Variants in SLC9A1 observed in about 807,000 individuals in gnomAD.
The protein encoded by SLC9A1 is solute carrier family 9 member A1.
A neutral mutation model predicts 67.9 loss-of-function variants in SLC9A1; 22 were observed. The ratio of observed to expected loss-of-function variants is 0.32; its 90% CI spans 0.23 to 0.46. The LOEUF is 0.46. SLC9A1 is among the 20% of genes least tolerant of loss of function. The probability of loss-of-function intolerance (pLI) is 1.00; values close to 1 mark genes in which losing one functional copy is unlikely to be tolerated. For missense variants in SLC9A1, 686 were observed against 1,094.8 expected (o/e 0.63, Z 5.27); for synonymous variants, 421 against 471.8 (o/e 0.89, Z 1.40).
intron 1 of SLC9A1, among the ~76,000 whole-genome samples, chr1:27,134,038 C>T (rs758495043): frequency 6.6e-6 from 1 of 152,160 alleles, no homozygotes; most frequent in African/African-American, 2.4e-5. Flanking sequence ...GCTAGGATTA[C>T]AGGCATGAGC....
chr1:27,131,095 A>G (rs1313790534), intron 1 of SLC9A1, among the ~76,000 whole-genome samples: 2 of 152,230 alleles, frequency 1.3e-5, no homozygotes, highest in African/African-American at 2.4e-5. Context: ...GCACTGGCAC[A>G]AGGTGTACAT....
intron 1 of SLC9A1, among the ~76,000 whole-genome samples, chr1:27,125,243 T>TC (rs1207755466): frequency 1.5e-5 from 2 of 130,216 alleles, no homozygotes; most frequent in Non-Finnish European, 3.3e-5. Context: ...CTTTCTTTTT[T>TC]TTTTTTTTTT....
Position 27,125,237 on chromosome 1 carries a change from CTTTTTTTTTTTTT to C in SLC9A1, c.353-10964_353-10952del, listed in dbSNP as rs71010327. On this transcript the variant is annotated intron_variant, in intron 1 of 11. Coordinates refer to ENST00000263980, the MANE Select transcript of SLC9A1 (RefSeq NM_003047.5). The stretch of plus-strand genomic sequence containing the variant: ...CTCTTTTCCTTCCTTCCTTTTCTTT[CTTTTTTTTTTTTT>C]TTTTTTTTTTTTTGAGAAACAGTCT... Among the ~76,000 whole-genome samples, 6 of 86,870 alleles carry C rather than the reference CTTTTTTTTTTTTT, an allele frequency of 6.9e-5. No homozygotes were observed. In the East Asian group the frequency reaches 1.2e-3, roughly 17 times the overall value. 57.0% of individuals were successfully genotyped at this position (86,870 alleles called of 152,430 possible).
intron 1 of SLC9A1, among the ~76,000 whole-genome samples, chr1:27,153,661 CT>C (rs941254429): frequency 3.9e-5 from 6 of 152,214 alleles, no homozygotes; most frequent in African/African-American, 1.4e-4. Context: ...GGGTGCCTGG[CT>C]CCCCTGGGGG....
intron 2 of SLC9A1, among the ~76,000 whole-genome samples, chr1:27,110,600 G>C (rs1349893011): frequency 6.6e-6 from 1 of 152,180 alleles, no homozygotes; most frequent in Non-Finnish European, 1.5e-5. Context: ...TATCTGAGTC[G>C]ACACTCAACA....
chr1:27,112,883 C>CAAAAAAA (rs58540104), intron 2 of SLC9A1, among the ~76,000 whole-genome samples: 1 of 41,502 alleles, frequency 2.4e-5, no homozygotes, highest in Non-Finnish European at 5.3e-5. Flanking sequence ...GACTCCATCT[C>CAAAAAAA]AAAAAAAAAA....
rs554813002 is a variant in SLC9A1 at position 27,107,973 on chromosome 1, C to A, written c.1065-108G>T. On this transcript the variant is annotated intron_variant, in intron 3 of 11. Coordinates refer to ENST00000263980, the MANE Select transcript of SLC9A1 (RefSeq NM_003047.5). ...ACGACCAAGGTGCCCATGTCCCAAG[C>A]TCCTCTATGGGCCAGGGGCCCGCTG... 4.9e-5 allele frequency: 38 copies of A among 781,328 alleles called. 1 individual carries two copies. The highest frequency in any genetic ancestry group is 8.2e-5 in the Non-Finnish European group (38 of 465,242). 48.4% of individuals were successfully genotyped at this position (781,328 alleles called of 1,614,324 possible). A position where few individuals can be genotyped will look rare whatever the true frequency, so the allele number is the denominator to read the frequency against.
At chr1:27,150,150 T>C (rs1183204096) in intron 1 of SLC9A1, among the ~76,000 whole-genome samples, 3 of 152,162 alleles carry the variant, frequency 2.0e-5, no homozygotes, top group Admixed American at 1.3e-4. Context: ...CACCTTCTAG[T>C]GTCATTTTTA....
chr1:27,147,315 A>AG (rs2083493942), intron 1 of SLC9A1, among the ~76,000 whole-genome samples: 1 of 149,800 alleles, frequency 6.7e-6, no homozygotes, highest in Non-Finnish European at 1.5e-5. Context: ...AAAAAAAAAA[A>AG]AAAAAAGAAA....
chr1:27,122,174 C>A (rs1165648332), intron 1 of SLC9A1, among the ~76,000 whole-genome samples: 1 of 152,080 alleles, frequency 6.6e-6, no homozygotes, highest in Non-Finnish European at 1.5e-5. Context: ...CTCTGGGAAG[C>A]CTTCCTGGAG....
intron 1 of SLC9A1, among the ~76,000 whole-genome samples, chr1:27,120,687 G>A (rs566823889): frequency 3.3e-5 from 5 of 151,592 alleles, no homozygotes; most frequent in South Asian, 4.2e-4. Context: ...GCAGTGAGCC[G>A]AGATCACACC....
intron 1 of SLC9A1, among the ~76,000 whole-genome samples, chr1:27,143,344 C>T (rs1230109494): frequency 6.6e-6 from 1 of 152,216 alleles, no homozygotes; most frequent in Non-Finnish European, 1.5e-5. Context: ...TCTGATTCCC[C>T]CAAGCATCCA....
intron 1 of SLC9A1, among the ~76,000 whole-genome samples, chr1:27,138,001 C>G (rs1481641998): frequency 6.6e-6 from 1 of 152,234 alleles, no homozygotes; most frequent in Non-Finnish European, 1.5e-5. Context: ...CCAGCTTGAG[C>G]TGCTGGCAGG....
intron 5 of SLC9A1, chr1:27,103,552 T>G: frequency 1.8e-6 from 1 of 545,432 alleles, no homozygotes. Context: ...ACCCCCACAC[T>G]GGTCATCTGG....
At chr1:27,103,371 G>C in intron 5 of SLC9A1, 59 bp from the exon 6 acceptor site, 1 of 1,194,586 alleles carries the variant, frequency 8.4e-7, no homozygotes, top group Non-Finnish European at 1.3e-6. Context: ...GGAGGCCACA[G>C]AGCCTCCCTC....
intron 1 of SLC9A1, among the ~76,000 whole-genome samples, chr1:27,129,385 G>A (rs1337749786): frequency 6.6e-6 from 1 of 152,174 alleles, no homozygotes; most frequent in Non-Finnish European, 1.5e-5. Flanking sequence ...TAGGAGCCAC[G>A]AGATGTAGAG....
rs5810 is a variant in SLC9A1, at chr1:27,099,728, A to G, written c.*579T>C. 53,271 of 152,412 alleles carry G rather than the reference A, an allele frequency of 0.35. 9,788 individuals carry two copies. Among genetic ancestry groups the G allele is most frequent in the Non-Finnish European group, 0.39 (26,651 of 68,130 alleles). The allele number at this position is 152,412 out of a possible 1,614,324, so 9.4% of individuals were successfully genotyped here. A position where few individuals can be genotyped will look rare whatever the true frequency, so the allele number is the denominator to read the frequency against. On this transcript the variant is annotated 3_prime_UTR_variant, in exon 12 of 12. Coordinates refer to ENST00000263980, the MANE Select transcript of SLC9A1 (RefSeq NM_003047.5). The stretch of plus-strand genomic sequence containing the variant: ...AACCACCCCTGCTCCAGGCAGAGAC[A>G]CTCAGAGATGCCCTCAGCCCGCAGC...
chr1:27,132,731 C>T (rs1005663136), intron 1 of SLC9A1, among the ~76,000 whole-genome samples: 11 of 152,184 alleles, frequency 7.2e-5, no homozygotes, highest in Non-Finnish European at 1.6e-4. Flanking sequence ...ATGACCTCAT[C>T]CTGAAAGCAG....
intron 5 of SLC9A1, among the ~76,000 whole-genome samples, chr1:27,104,582 G>A (rs559164853): frequency 4.0e-4 from 61 of 151,210 alleles, no homozygotes; most frequent in African/African-American, 1.4e-3. Flanking sequence ...GTAGAGACAA[G>A]GTTGCCATGT....
Sources: gnomAD v4.1 joint callset for allele counts (sites outside exome capture counted in the v4.1 genomes callset) on GRCh38, gnomAD v4.1.1 for gene constraint, MANE v1.5 for transcripts, NCBI Gene and HGNC (gene_info 2026-07-23, HGNC 2026-07-21) for gene names.